Variants in ICAM3 observed in about 807,000 individuals in gnomAD.
ICAM3 encodes the protein intercellular adhesion molecule 3, also known as ICAM-3.
A neutral mutation model predicts 43.6 loss-of-function variants in ICAM3; 54 were observed. The observed-to-expected ratio is 1.24, with a 90% CI of 0.99 to 1.55. ICAM3 has a LOEUF of 1.55. Among genes scored for constraint, ICAM3 ranks in the 40% most tolerant of loss-of-function variants. The pLI, the probability that ICAM3 is intolerant of heterozygous loss-of-function variation, is 0.00. For missense variants in ICAM3, 715 were observed against 717.9 expected, an observed-to-expected ratio of 1.00 and a Z score of 0.05; for synonymous variants, 306 against 312.6, an observed-to-expected ratio of 0.98 and a Z score of 0.22.
At position 10,335,819 on chromosome 19, in the gene ICAM3, C is replaced by T. The variant is rs919851228; in HGVS notation, c.501G>A (p.Val167=). Residue 167 remains valine (V), a synonymous_variant, in exon 3 of 7, where the codon GTG becomes GTA. Transcript: ENST00000160262. ...TGGCAGTGACCTCCGCTGGCTCCTC[C>T]ACTGCGGGCTGCCGGCTCAGCTCCT... is the stretch of plus-strand genomic sequence containing the variant. ...WEEELSRQPA[V]EEPAEVTATV... 3.1e-6 allele frequency: 5 copies of T among 1,612,394 alleles called. No individual in the cohort carries two copies. The African/African-American group carries it at 5.3e-5, about 17-fold the overall frequency.
Position 10,338,763 on chromosome 19 carries a change from C to A in ICAM3, c.262G>T (p.Val88Leu). 2 of 1,614,166 alleles carry A rather than the reference C, an allele frequency of 1.2e-6. No homozygotes were observed. Among genetic ancestry groups the A allele is most frequent in the African/African-American group, 1.3e-5 (1 of 75,046 alleles). Reference protein sequence around the residue: ...MGWAAFNLSNVTGNSRILCSV... With the variant: ...MGWAAFNLSNLTGNSRILCSV... Reference sequence around the variant, plus strand: ...CAGAGGATCCGACTGTTGCCAGTCACGTTGCTGAGATTGAAGGCTGCCCAG... The same window carrying A: ...CAGAGGATCCGACTGTTGCCAGTCAAGTTGCTGAGATTGAAGGCTGCCCAG... Residue 88 changes from valine (V) to leucine (L), a missense_variant, in exon 2 of 7, where the codon GTG becomes TTG. Physicochemically the swap from Val to Leu is conservative, Grantham distance 32. Coordinates refer to ENST00000160262, the MANE Select transcript of ICAM3 (RefSeq NM_002162.5).
intron 1 of ICAM3, 128 bp downstream of exon 1, chr19:10,339,411 A>G: frequency 3.8e-6 from 3 of 789,408 alleles, no homozygotes; most frequent in Non-Finnish European, 6.2e-6. Context: ...CTTTCTCCCG[A>G]GGATACAGAG....
chr19:10,335,239 T>A lies in ICAM3; in HGVS notation c.764A>T (p.Tyr255Phe), dbSNP rs1453227305. The A allele has an allele frequency of 6.2e-7, 1 of 1,613,734 alleles. No homozygotes were observed. Among genetic ancestry groups the A allele is most frequent in the Non-Finnish European group, 8.5e-7 (1 of 1,180,008 alleles). ...GLFPASEAQV[Y>F]LALGDQMLNA... ...CAGCATCTGGTCCCCCAGCGCCAGG[T>A]AGACCTGGGCCTCTGAGGCTGGAAA... is the stretch of plus-strand genomic sequence containing the variant. The change falls in exon 4 of 7, where the codon TAC becomes TTC. Residue 255 changes from tyrosine to phenylalanine, a missense_variant. Transcript: ENST00000160262.
At position 10,334,647 on chromosome 19, in the gene ICAM3, G is replaced by A. The variant is rs929231057; in HGVS notation, c.1073C>T (p.Ala358Val). 6.2e-7 allele frequency: 1 copy of A among 1,613,542 alleles called. No individual in the cohort carries two copies. The highest frequency in any genetic ancestry group is 1.3e-5 in the African/African-American group (1 of 75,054). The change falls in exon 5 of 7, where the codon GCT becomes GTT. Residue 358 changes from alanine (A) to valine (V), a missense_variant. Coordinates refer to ENST00000160262, the MANE Select transcript of ICAM3 (RefSeq NM_002162.5). This position sits in a 1 kb window ranked among gnomAD's most constrained non-coding sequence, Gnocchi z 5.5. ...GVPAAAPGQP[A>V]QLQLNATESD... ...CTCGGTAGCATTTAGCTGAAGTTGA[G>A]CTGGCTGCCCCGGGGCCGCGGCCGG...
chr19:10,334,106 AC>A lies in ICAM3; in HGVS notation c.1442-48del, dbSNP rs576276570. On this transcript the variant is annotated intron_variant, in intron 6 of 6. Coordinates refer to ENST00000160262, the MANE Select transcript of ICAM3 (RefSeq NM_002162.5). The surrounding 1 kb of genome is among the most constrained non-coding windows in gnomAD (Gnocchi z 5.5). ...TCAATATGCGTCCCTTCTGTCTCCAACCCCCCCGCCCCCCGGCTTACCGGTC... is the reference window on the plus strand; with the variant it reads ...TCAATATGCGTCCCTTCTGTCTCCAACCCCCCGCCCCCCGGCTTACCGGTC... 43 of 1,578,466 alleles carry A rather than the reference AC, an allele frequency of 2.7e-5. No individual in the cohort carries two copies. The highest frequency in any genetic ancestry group is 3.4e-5 in the Non-Finnish European group (39 of 1,151,130).
At position 10,334,469 on chromosome 19, in the gene ICAM3, A is replaced by G. The variant is rs544662681; in HGVS notation, c.1192+59T>C. ...CACCCGAGGCACAGTGGTGCAGAGG[A>G]GCGTCTAATCTTTCCAGGGCAGGGG... On this transcript the variant is annotated intron_variant, in intron 5 of 6. Coordinates refer to ENST00000160262, the MANE Select transcript of ICAM3 (RefSeq NM_002162.5). The surrounding 1 kb of genome is among the most constrained non-coding windows in gnomAD (Gnocchi z 5.5). The G allele has an allele frequency of 2.5e-6, 4 of 1,607,526 alleles. No individual in the cohort carries two copies. In the South Asian group the frequency reaches 4.4e-5, roughly 18 times the overall value.
At chr19:10,339,198 G>C (rs1026962393) in intron 1 of ICAM3, 6 of 589,854 alleles carry the variant, frequency 1.0e-5, no homozygotes, top group Non-Finnish European at 1.8e-5. Flanking sequence ...ATTGCAGCCC[G>C]AAACTGAAGG....
rs2040570733 is a variant in ICAM3 at position 10,334,912 on chromosome 19, T to C, written c.938-130A>G. 2 of 1,447,120 alleles carry C rather than the reference T, an allele frequency of 1.4e-6. No individual in the cohort carries two copies. The highest frequency in any genetic ancestry group is 1.9e-6 in the Non-Finnish European group (2 of 1,077,250). 89.6% of individuals were successfully genotyped at this position (1,447,120 alleles called of 1,614,324 possible). ...TTCGGCCGTTCAAGCCTCGCCCTCT[T>C]TCCGCGCTGTGTCCAGCTTCGGGCA... is the stretch of plus-strand genomic sequence containing the variant. On this transcript the variant is annotated intron_variant, in intron 4 of 6. Coordinates refer to ENST00000160262, the MANE Select transcript of ICAM3 (RefSeq NM_002162.5). This position sits in a 1 kb window ranked among gnomAD's most constrained non-coding sequence, Gnocchi z 5.5.
Position 10,339,525 on chromosome 19 carries a change from T to C in ICAM3, c.76+14A>G. ...GCAGCCCTCTCCAGCCCTCCCCGGCTTGACTGGTCTCACCTGGGGTCAGCA... is the reference window on the plus strand; with the variant it reads ...GCAGCCCTCTCCAGCCCTCCCCGGCCTGACTGGTCTCACCTGGGGTCAGCA... On this transcript the variant is annotated intron_variant, in intron 1 of 6. Transcript: ENST00000160262. 1 of 1,613,108 alleles carries C rather than the reference T, an allele frequency of 6.2e-7. No homozygotes were observed. The highest frequency in any genetic ancestry group is 1.3e-5 in the African/African-American group (1 of 75,032).
chr19:10,335,782 T>C lies in ICAM3; in HGVS notation c.538A>G (p.Ser180Gly), dbSNP rs2040591063. 1 of 1,612,644 alleles carries C rather than the reference T, an allele frequency of 6.2e-7. No individual in the cohort carries two copies. The highest frequency in any genetic ancestry group is 1.7e-5 in the Admixed American group (1 of 59,896). Reference protein sequence around the residue: ...PAEVTATVLASRDDHGAPFSC... With the variant: ...PAEVTATVLAGRDDHGAPFSC... ...AAAGGGGCTCCGTGGTCGTCTCTGCTGGCCAGCACAGTGGCAGTGACCTCC... is the reference window on the plus strand; with the variant it reads ...AAAGGGGCTCCGTGGTCGTCTCTGCCGGCCAGCACAGTGGCAGTGACCTCC... The change falls in exon 3 of 7, where the codon AGC (serine) becomes GGC (glycine). Residue 180 changes from serine to glycine, a missense_variant. Coordinates refer to ENST00000160262, the MANE Select transcript of ICAM3 (RefSeq NM_002162.5).
In ICAM3 at chr19:10,334,553, G is replaced by C. The variant is rs777134199; in HGVS notation, c.1167C>G (p.Asn389Lys). 2.5e-6 allele frequency: 4 copies of C among 1,612,892 alleles called. No individual in the cohort carries two copies. In the African/African-American group the frequency reaches 5.3e-5, roughly 22 times the overall value. ...LEVDGEFLHR[N>K]SSVQLRVLYG... ...ACAGGACTCGCAGCTGGACGCTACT[G>C]TTCCTGTGCAAGAACTCGCCGTCCA... Residue 389 changes from asparagine to lysine, a missense_variant, in exon 5 of 7, where the codon AAC (asparagine) becomes AAG (lysine). Coordinates refer to ENST00000160262, the MANE Select transcript of ICAM3 (RefSeq NM_002162.5). The surrounding 1 kb of genome is among the most constrained non-coding windows in gnomAD (Gnocchi z 5.5).
In ICAM3 at chr19:10,334,907, C is replaced by T; in HGVS notation, c.938-125G>A. ...ACGCTTTCGGCCGTTCAAGCCTCGC[C>T]CTCTTTCCGCGCTGTGTCCAGCTTC... On this transcript the variant is annotated intron_variant, in intron 4 of 6. Transcript: ENST00000160262. The surrounding 1 kb of genome is among the most constrained non-coding windows in gnomAD (Gnocchi z 5.5). 1 of 1,449,902 alleles carries T rather than the reference C, an allele frequency of 6.9e-7. No homozygotes were observed. The highest frequency in any genetic ancestry group is 9.3e-7 in the Non-Finnish European group (1 of 1,080,618). The allele number at this position is 1,449,902 out of a possible 1,614,324, so 89.8% of individuals were successfully genotyped here.
Position 10,338,709 on chromosome 19 carries a change from T to C in ICAM3, c.316A>G (p.Thr106Ala). Reference protein sequence around the residue: ...CSVYCNGSQITGSSNITVYRL... With the variant: ...CSVYCNGSQIAGSSNITVYRL... The stretch of plus-strand genomic sequence containing the variant: ...TACACGGTGATGTTAGAGGAGCCTG[T>C]TATCTGAGAGCCATTGCAGTACACT... The change falls in exon 2 of 7, where the codon ACA (threonine) becomes GCA (alanine). Residue 106 changes from threonine (T) to alanine (A), a missense_variant. Coordinates refer to ENST00000160262, the MANE Select transcript of ICAM3 (RefSeq NM_002162.5). 4 of 1,614,142 alleles carry C rather than the reference T, an allele frequency of 2.5e-6. No homozygotes were observed. The highest frequency in any genetic ancestry group is 3.4e-6 in the Non-Finnish European group (4 of 1,180,016).
intron 3 of ICAM3, 93 bp from the exon 4 acceptor site, chr19:10,335,446 G>T: frequency 7.8e-7 from 1 of 1,281,858 alleles, no homozygotes; most frequent in Non-Finnish European, 1.1e-6. Context: ...TGCTGACTGG[G>T]TCACCCTTCT....
chr19:10,339,609 G>A lies in ICAM3; in HGVS notation c.6C>T (p.Ala2=), dbSNP rs281414. 0.17 allele frequency: 266,180 copies of A among 1,612,524 alleles called. 23,511 individuals are homozygous for A. Among genetic ancestry groups the A allele is most frequent in the African/African-American group, 0.24 (17,986 of 74,958 alleles). The change falls in exon 1 of 7, where the codon GCC becomes GCT. Residue 2 remains alanine (A), a synonymous_variant. Coordinates refer to ENST00000160262, the MANE Select transcript of ICAM3 (RefSeq NM_002162.5). M[A]TMVPSVLWPR... is the part of the protein sequence containing the mutation. The stretch of plus-strand genomic sequence containing the variant: ...GCCACAACACGGATGGTACCATGGT[G>A]GCCATTCTGACAGAGGAAGGTGCCT...
At chr19:10,339,287 G>A in intron 1 of ICAM3, 1 of 581,564 alleles carries the variant, frequency 1.7e-6, no homozygotes, top group Non-Finnish European at 3.0e-6. Context: ...AATTTCAGGA[G>A]TTCAGATGGA....
Position 10,334,686 on chromosome 19 carries a change from G to A in ICAM3, c.1034C>T (p.Thr345Met). Reference sequence around the variant, plus strand: ...GGCCGCGGCCGGAACTCCGTCCAGCGTGACCTGGACTCGAGCCCCAGCCAT... The same window carrying A: ...GGCCGCGGCCGGAACTCCGTCCAGCATGACCTGGACTCGAGCCCCAGCCAT... ...SCMAGARVQV[T>M]LDGVPAAAPG... The change falls in exon 5 of 7, where the codon ACG becomes ATG. Residue 345 changes from threonine to methionine, a missense_variant. Coordinates refer to ENST00000160262, the MANE Select transcript of ICAM3 (RefSeq NM_002162.5). This position sits in a 1 kb window ranked among gnomAD's most constrained non-coding sequence, Gnocchi z 5.5. 6.2e-7 allele frequency: 1 copy of A among 1,613,212 alleles called. No individual in the cohort carries two copies. The highest frequency in any genetic ancestry group is 2.2e-5 in the East Asian group (1 of 44,884).
rs368034000 is a variant in ICAM3, at chr19:10,334,139, C to T, written c.1441+21G>A. ...GCCCCCCGGCTTACCGGTCCAGACC[C>T]GCAGCCCCGTGTTAGCTCACCCTCA... On this transcript the variant is annotated intron_variant, in intron 6 of 6. Transcript: ENST00000160262. This position sits in a 1 kb window ranked among gnomAD's most constrained non-coding sequence, Gnocchi z 5.5. 11 of 1,612,126 alleles carry T rather than the reference C, an allele frequency of 6.8e-6. No individual in the cohort carries two copies. Among genetic ancestry groups the T allele is most frequent in the African/African-American group, 2.7e-5 (2 of 74,894 alleles).
intron 2 of ICAM3, among the ~76,000 whole-genome samples, chr19:10,338,240 C>G (rs1361894826): frequency 6.6e-6 from 1 of 151,918 alleles, no homozygotes; most frequent in Non-Finnish European, 1.5e-5. Context: ...GCCATCTCAA[C>G]TAAAAATACA....
Sources: allele counts gnomAD v4.1 joint callset (sites outside exome capture counted in the v4.1 genomes callset), GRCh38; gene constraint gnomAD v4.1.1; non-coding constraint Gnocchi (gnomAD v3.1); transcripts MANE v1.5; gene names NCBI Gene and HGNC (gene_info 2026-07-23, HGNC 2026-07-21).